Variants in PARP8 observed in about 807,000 individuals in gnomAD.
PARP8 encodes the protein protein mono-ADP-ribosyltransferase PARP8.
A neutral mutation model predicts 124.1 loss-of-function variants in PARP8; 51 were observed. The observed-to-expected ratio is 0.41, with a 90% CI of 0.33 to 0.52. The LOEUF is 0.52. Ranked by LOEUF, PARP8 falls within the 20% of genes least tolerant of loss-of-function variation. The pLI is 0.21. For missense variants in PARP8, 860 were observed against 1,018.9 expected, an observed-to-expected ratio of 0.84 and a Z score of 2.12; for synonymous variants, 391 against 361.5, an observed-to-expected ratio of 1.08 and a Z score of -0.93.
chr5:50,707,651 GAGAGA>G (rs1754295176), intron 2 of PARP8, among the ~76,000 whole-genome samples: 1 of 151,590 alleles, frequency 6.6e-6, no homozygotes. Context: ...GAGAGAGAGA[GAGAGA>G]GAGAGAGAAA....
chr5:50,767,532 C>T (rs538631594), intron 7 of PARP8, among the ~76,000 whole-genome samples: 3 of 152,332 alleles, frequency 2.0e-5, no homozygotes, highest in Admixed American at 1.3e-4. Context: ...CAAGGGCTTT[C>T]TCCTAGCAAA....
Position 50,666,725 on chromosome 5 carries a change from T to G in PARP8, c.-371T>G. On this transcript the variant is annotated 5_prime_UTR_variant, in exon 1 of 26. Transcript: ENST00000281631. ...TCGCCGGCGCCCGCCGCCCAGCCGG[T>G]GATTGCTCTCTGGCTGTCCCCGGCA... 3.0e-6 allele frequency: 1 copy of G among 336,396 alleles called. No individual in the cohort carries two copies. Among genetic ancestry groups the G allele is most frequent in the Non-Finnish European group, 4.4e-6 (1 of 228,900 alleles). 20.8% of individuals were successfully genotyped at this position (336,396 alleles called of 1,614,324 possible).
chr5:50,754,150 T>TATATATATATACACACAC (rs1312947286), intron 3 of PARP8, among the ~76,000 whole-genome samples: 4 of 37,184 alleles, frequency 1.1e-4, no homozygotes, highest in African/African-American at 4.9e-4. Context: ...TATATATATA[T>TATATATATATACACACAC]ACACACACAC....
chr5:50,770,790 C>G (rs1761545915), intron 7 of PARP8, among the ~76,000 whole-genome samples: 2 of 151,956 alleles, frequency 1.3e-5, no homozygotes, highest in Admixed American at 6.6e-5. Flanking sequence ...CCTGAAAATC[C>G]TAAAATATTT....
intron 2 of PARP8, among the ~76,000 whole-genome samples, chr5:50,691,469 T>C (rs572860613): frequency 6.6e-6 from 1 of 152,296 alleles, no homozygotes; most frequent in Non-Finnish European, 1.5e-5. Context: ...TTGCCTCACA[T>C]CTCTGATTCC....
intron 12 of PARP8, among the ~76,000 whole-genome samples, 156 bp from the exon 13 acceptor site, chr5:50,796,826 A>G (rs1411396068): frequency 6.6e-6 from 1 of 152,202 alleles, no homozygotes; most frequent in African/African-American, 2.4e-5. Flanking sequence ...GAGTGAATAA[A>G]AAAGTTTTTA....
chr5:50,756,393 T>G (rs1759958135), intron 3 of PARP8, among the ~76,000 whole-genome samples: 1 of 152,124 alleles, frequency 6.6e-6, no homozygotes, highest in South Asian at 2.1e-4. Flanking sequence ...TCTTTAACCC[T>G]TTTTACGCTC....
intron 2 of PARP8, among the ~76,000 whole-genome samples, chr5:50,731,132 G>A (rs1756937872): frequency 6.6e-6 from 1 of 152,202 alleles, no homozygotes; most frequent in South Asian, 2.1e-4. Flanking sequence ...AATTGAATGA[G>A]TCTCTTTAAA....
chr5:50,722,486 A>G (rs2149505469), intron 2 of PARP8, among the ~76,000 whole-genome samples: 1 of 152,126 alleles, frequency 6.6e-6, no homozygotes, highest in East Asian at 1.9e-4. Context: ...GACTGTATGG[A>G]GCTGAGTCCC....
intron 2 of PARP8, among the ~76,000 whole-genome samples, chr5:50,688,293 T>G (rs1167517012): frequency 6.6e-6 from 1 of 152,188 alleles, no homozygotes; most frequent in African/African-American, 2.4e-5. Flanking sequence ...GTAAATGTAC[T>G]TACTGTATAA....
At chr5:50,827,613 G>A (rs1374603937) in intron 19 of PARP8, among the ~76,000 whole-genome samples, 1 of 152,104 alleles carries the variant, frequency 6.6e-6, no homozygotes, top group Non-Finnish European at 1.5e-5. Flanking sequence ...TAATAAAAAT[G>A]TTAAAAGAAA....
intron 25 of PARP8, among the ~76,000 whole-genome samples, chr5:50,841,228 T>A (rs971875967): frequency 6.6e-6 from 1 of 151,894 alleles, no homozygotes; most frequent in Admixed American, 6.6e-5. Flanking sequence ...CTGAATATGA[T>A]CATGAAAGCT....
rs561695511 is a variant in PARP8 at position 50,761,573 on chromosome 5, C to G, written c.346-248C>G. Among the ~76,000 whole-genome samples, 28 of 152,014 alleles carry G rather than the reference C, an allele frequency of 1.8e-4. No individual in the cohort carries two copies. In the South Asian group the frequency reaches 5.8e-3, roughly 32 times the overall value. The stretch of plus-strand genomic sequence containing the variant: ...TTATACATAAGTTTTTAATATACAT[C>G]AAATATTGAATTGTGCATTTCCTGT... On this transcript the variant is annotated intron_variant, in intron 5 of 25. Transcript: ENST00000281631.
At chr5:50,788,340 A>G (rs563113230) in intron 9 of PARP8, among the ~76,000 whole-genome samples, 183 bp from the exon 10 acceptor site, 47 of 150,240 alleles carry the variant, frequency 3.1e-4, no homozygotes, top group South Asian at 2.5e-3. Flanking sequence ...ACATTAATGT[A>G]TAATGACCAA....
At chr5:50,761,154 T>TA (rs1186218636) in intron 5 of PARP8, among the ~76,000 whole-genome samples, 3 of 152,216 alleles carry the variant, frequency 2.0e-5, no homozygotes, top group South Asian at 4.1e-4. Flanking sequence ...TGTGTCCAAA[T>TA]ACCTACATTT....
intron 2 of PARP8, among the ~76,000 whole-genome samples, chr5:50,700,923 G>A (rs1304552008): frequency 6.6e-5 from 10 of 151,972 alleles, no homozygotes; most frequent in South Asian, 2.1e-4. Flanking sequence ...CCTCCAAGCA[G>A]CACTCCAGAT....
intron 2 of PARP8, among the ~76,000 whole-genome samples, chr5:50,717,019 A>T (rs911447431): frequency 3.3e-5 from 5 of 152,096 alleles, no homozygotes; most frequent in Non-Finnish European, 7.4e-5. Context: ...CAAGGTAGGC[A>T]GGGGAAAGAA....
intron 2 of PARP8, among the ~76,000 whole-genome samples, chr5:50,725,079 A>G (rs201908768): frequency 9.9e-3 from 18 of 1,812 alleles, no homozygotes; most frequent in South Asian, 0.047. Context: ...GTGTATGTGT[A>G]TATATATATA....
intron 18 of PARP8, among the ~76,000 whole-genome samples, chr5:50,825,289 G>C (rs1393914679): frequency 6.6e-6 from 1 of 152,096 alleles, no homozygotes; most frequent in Non-Finnish European, 1.5e-5. Context: ...AAAGCATTTT[G>C]GTTCATTTAA....
Sources: allele counts gnomAD v4.1 joint callset (sites outside exome capture counted in the v4.1 genomes callset), GRCh38; gene constraint gnomAD v4.1.1; transcripts MANE v1.5; gene names NCBI Gene and HGNC (gene_info 2026-07-23, HGNC 2026-07-21).